Variants in CACNA1D observed in about 807,000 individuals in gnomAD.
The protein encoded by CACNA1D is voltage-dependent L-type calcium channel subunit alpha-1D.
In CACNA1D, 55 loss-of-function variants were observed where a neutral mutation model predicts 257.1. The observed-to-expected ratio is 0.21, with a 90% confidence interval of 0.17 to 0.27. The LOEUF (loss-of-function observed/expected upper bound fraction) is 0.27, where lower values mean the gene tolerates loss of function less well. CACNA1D is among the 10% of genes least tolerant of loss of function. The probability of loss-of-function intolerance (pLI) is 1.00; values close to 1 mark genes in which losing one functional copy is unlikely to be tolerated. For missense variants in CACNA1D, 1,876 were observed against 2,784.0 expected, an observed-to-expected ratio of 0.67 and a Z score of 7.34; for synonymous variants, 980 against 1,014.9, an observed-to-expected ratio of 0.97 and a Z score of 0.65.
intron 3 of CACNA1D, among the ~76,000 whole-genome samples, chr3:53,584,233 G>A (rs148787898): frequency 4.6e-5 from 7 of 152,318 alleles, no homozygotes; most frequent in African/African-American, 1.7e-4. Flanking sequence ...TGAGGAGAGA[G>A]GGAATAGATG....
At chr3:53,539,571 C>G (rs1330527310) in intron 3 of CACNA1D, among the ~76,000 whole-genome samples, 1 of 152,196 alleles carries the variant, frequency 6.6e-6, no homozygotes, top group Non-Finnish European at 1.5e-5. Context: ...TAAAGAATTG[C>G]TGCTAACCTT....
chr3:53,507,978 G>GC (rs930437902), intron 3 of CACNA1D, among the ~76,000 whole-genome samples: 7 of 49,000 alleles, frequency 1.4e-4, no homozygotes, highest in Admixed American at 5.7e-4. Flanking sequence ...CAGCTGGAAA[G>GC]GGGGGGCTGA....
chr3:53,733,334 A>T (rs1254626391), intron 19 of CACNA1D, among the ~76,000 whole-genome samples: 1 of 152,178 alleles, frequency 6.6e-6, no homozygotes, highest in East Asian at 1.9e-4. Context: ...CAGCCGTGGA[A>T]ATTTTTCCTA....
rs2108758608 is a variant in CACNA1D at position 53,730,455 on chromosome 3, T to C, written c.2235T>C (p.Asn745=). The change falls in exon 16 of 48, where the codon AAT becomes AAC. Residue 745 remains asparagine (N), a synonymous_variant. Transcript: ENST00000350061. The stretch of plus-strand genomic sequence containing the variant: ...AGTTGAAATTAGATATTCTACTGAA[T>C]GTCTTCTTGGCCATCGCTGTAGACA... ...LFICGNYILL[N]VFLAIAVDNL... 6.2e-7 allele frequency: 1 copy of C among 1,611,736 alleles called. No individual in the cohort carries two copies. Among genetic ancestry groups the C allele is most frequent in the Non-Finnish European group, 8.5e-7 (1 of 1,177,736 alleles).
chr3:53,742,970 G>A (rs1559608860), intron 21 of CACNA1D, 41 bp from the exon 22 acceptor site: 3 of 1,336,810 alleles, frequency 2.2e-6, no homozygotes. Context: ...CTTTTCCTTT[G>A]GAGACAAAAA....
intron 18 of CACNA1D, 38 bp downstream of exon 18, chr3:53,732,120 G>A (rs1187177794): frequency 2.0e-6 from 3 of 1,508,234 alleles, no homozygotes; most frequent in Non-Finnish European, 2.8e-6. Context: ...GCTTTGCTGT[G>A]TGTCTTTGCT....
chr3:53,769,909 C>G (rs1224106424), intron 30 of CACNA1D, 64 bp from the exon 31 acceptor site: 2 of 1,243,430 alleles, frequency 1.6e-6, no homozygotes, highest in Admixed American at 3.4e-5. Flanking sequence ...GGGGGAAATG[C>G]TCTCTGGAAC....
chr3:53,774,519 A>C lies in CACNA1D; in HGVS notation c.4111-68A>C, dbSNP rs1330725194. 1.0e-6 allele frequency: 1 copy of C among 953,776 alleles called. No individual in the cohort carries two copies. The highest frequency in any genetic ancestry group is 1.6e-5 in the African/African-American group (1 of 62,430). 59.1% of individuals were successfully genotyped at this position (953,776 alleles called of 1,614,324 possible). On this transcript the variant is annotated intron_variant, in intron 33 of 47. Transcript: ENST00000350061. The surrounding 1 kb of genome is among the most constrained non-coding windows in gnomAD (Gnocchi z 4.3). Reference sequence around the variant, plus strand: ...AAAGATCAAACCTGAGTTAGTTCTAAATTCACATACGGATTTTTTTTGCAT... The same window carrying C: ...AAAGATCAAACCTGAGTTAGTTCTACATTCACATACGGATTTTTTTTGCAT...
At chr3:53,532,558 C>G (rs1042621622) in intron 3 of CACNA1D, among the ~76,000 whole-genome samples, 2 of 152,182 alleles carry the variant, frequency 1.3e-5, no homozygotes, top group Non-Finnish European at 2.9e-5. Context: ...AAGTGTTAAG[C>G]ACTTTTTGGT....
intron 3 of CACNA1D, among the ~76,000 whole-genome samples, chr3:53,564,592 T>C (rs970300176): frequency 6.6e-6 from 1 of 152,260 alleles, no homozygotes; most frequent in African/African-American, 2.4e-5. Flanking sequence ...AAGTTCTTAA[T>C]TTTAATGTAG....
At chr3:53,680,360 A>G (rs9311511) in intron 8 of CACNA1D, among the ~76,000 whole-genome samples, 2,167 of 149,714 alleles carry the variant, frequency 0.014, 55 homozygotes, top group East Asian at 0.084. Context: ...TTTTTTTTTT[A>G]ATAATGTACA....
intron 39 of CACNA1D, among the ~76,000 whole-genome samples, chr3:53,783,361 G>A (rs2095436069): frequency 6.6e-6 from 1 of 152,228 alleles, no homozygotes; most frequent in Non-Finnish European, 1.5e-5. Context: ...TTGAAAAGCT[G>A]ATCAACTTTT....
rs921568816 is a variant in CACNA1D, at chr3:53,774,788, T to C, written c.4202+110T>C. The C allele has an allele frequency of 7.1e-6, 5 of 702,646 alleles. No individual in the cohort carries two copies. Among genetic ancestry groups the C allele is most frequent in the Non-Finnish European group, 1.3e-5 (5 of 386,260 alleles). 43.5% of individuals were successfully genotyped at this position (702,646 alleles called of 1,614,324 possible). ...AAAGCAGTGTGCCTTTCTCAGTTGA[T>C]TGTGATGGCTTTTTGTTTTTGTTTG... On this transcript the variant is annotated intron_variant, in intron 34 of 47. Coordinates refer to ENST00000350061, the MANE Select transcript of CACNA1D (RefSeq NM_001128840.3). The surrounding 1 kb of genome is among the most constrained non-coding windows in gnomAD (Gnocchi z 4.3).
rs767677153 is a variant in CACNA1D, at chr3:53,776,950, G to A, written c.4581G>A (p.Ala1527=). 2.0e-5 allele frequency: 32 copies of A among 1,612,104 alleles called. 1 individual carries two copies. The highest frequency in any genetic ancestry group is 1.7e-4 in the Middle Eastern group (1 of 6,054). ...GFGKLCPHRV[A]CKRLVAMNMP... ...GGAAGTTATGTCCACACAGGGTAGC[G>A]TGCAAGGTGAGTGTCCTGTGTGCGT... The change falls in exon 37 of 48, where the codon GCG becomes GCA. Residue 1527 remains alanine, a synonymous_variant. Coordinates refer to ENST00000350061, the MANE Select transcript of CACNA1D (RefSeq NM_001128840.3).
intron 9 of CACNA1D, chr3:53,710,298 A>G: frequency 2.3e-6 from 1 of 430,310 alleles, no homozygotes; most frequent in Non-Finnish European, 4.7e-6. Flanking sequence ...TGCGTGAGGC[A>G]ACCTGGCTGG....
intron 21 of CACNA1D, 173 bp downstream of exon 21, chr3:53,740,512 G>A: frequency 1.5e-6 from 1 of 646,190 alleles, no homozygotes; most frequent in African/African-American, 1.8e-5. Flanking sequence ...TTTAAGGGCT[G>A]CTCCTGCGTG....
chr3:53,776,460 A>T, intron 35 of CACNA1D, 143 bp from the exon 36 acceptor site: 2 of 975,366 alleles, frequency 2.1e-6, no homozygotes, highest in Non-Finnish European at 3.1e-6. Flanking sequence ...TTTCTTAAAC[A>T]TTCTCCAAAT....
intron 4 of CACNA1D, among the ~76,000 whole-genome samples, chr3:53,651,245 A>C (rs1266302967): frequency 6.6e-6 from 1 of 152,172 alleles, no homozygotes; most frequent in Non-Finnish European, 1.5e-5. Context: ...TTAGAGTCAA[A>C]TGAGTAGAGC....
intron 32 of CACNA1D, among the ~76,000 whole-genome samples, chr3:53,770,843 C>T (rs547375997): frequency 1.3e-5 from 2 of 152,276 alleles, no homozygotes; most frequent in South Asian, 2.1e-4. Context: ...GCAGTGCCCC[C>T]GGGATGCCTG....
Sources: allele counts gnomAD v4.1 joint callset (sites outside exome capture counted in the v4.1 genomes callset), GRCh38; gene constraint gnomAD v4.1.1; non-coding constraint Gnocchi (gnomAD v3.1); transcripts MANE v1.5; gene names NCBI Gene and HGNC (gene_info 2026-07-23, HGNC 2026-07-21).